Variants in GPSM2 observed in about 807,000 individuals in gnomAD.
GPSM2 encodes the protein G protein-signaling modulator 2.
Under a neutral mutation model 78.4 loss-of-function variants are expected in GPSM2, and 58 were observed. That is an observed-to-expected ratio of 0.74 (90% CI 0.60 to 0.92). The LOEUF is 0.92. Among genes scored for constraint, GPSM2 ranks in the 40% least tolerant of loss-of-function variants. The probability of loss-of-function intolerance (pLI) is 0.00; values close to 1 mark genes in which losing one functional copy is unlikely to be tolerated. For missense variants in GPSM2, 700 were observed against 815.5 expected, an observed-to-expected ratio of 0.86 and a Z score of 1.73; for synonymous variants, 224 against 280.2, an observed-to-expected ratio of 0.80 and a Z score of 2.00.
intron 7 of GPSM2, among the ~76,000 whole-genome samples, chr1:108,900,884 T>C (rs139330346): frequency 6.6e-6 from 1 of 152,184 alleles, no homozygotes; most frequent in African/African-American, 2.4e-5. Context: ...TACCGCATAG[T>C]AATTTGTCAT....
intron 10 of GPSM2, among the ~76,000 whole-genome samples, 161 bp downstream of exon 10, chr1:108,904,415 C>T (rs1304525374): frequency 2.0e-5 from 3 of 148,250 alleles, no homozygotes; most frequent in South Asian, 4.2e-4. Context: ...ATATATATTA[C>T]AATTATATAT....
chr1:108,931,169 AAAAAC>A lies in GPSM2; in HGVS notation c.*1235_*1239del, dbSNP rs1287859748. 16 of 787,888 alleles carry A rather than the reference AAAAAC, an allele frequency of 2.0e-5. No individual in the cohort carries two copies. The highest frequency in any genetic ancestry group is 1.1e-4 in the African/African-American group (6 of 56,392). 48.8% of individuals were successfully genotyped at this position (787,888 alleles called of 1,614,324 possible). ...TTTTCTAAGTTCTAATATAAAAACA[AAAAAC>A]AAAACCCATGTGGTTAGGTCAAGAA... On this transcript the variant is annotated 3_prime_UTR_variant, in exon 15 of 15. Transcript: ENST00000264126.
At chr1:108,914,907 AT>A (rs953161983) in intron 11 of GPSM2, among the ~76,000 whole-genome samples, 7 of 151,482 alleles carry the variant, frequency 4.6e-5, no homozygotes, top group Admixed American at 1.3e-4. Flanking sequence ...CTTGAAAAGC[AT>A]TTTTTTTTAA....
At chr1:108,894,703 A>C (rs1356937783) in intron 2 of GPSM2, among the ~76,000 whole-genome samples, 3 of 152,186 alleles carry the variant, frequency 2.0e-5, no homozygotes, top group African/African-American at 7.2e-5. Context: ...GTCTCAAAAA[A>C]AAAGTGAAGA....
intron 10 of GPSM2, among the ~76,000 whole-genome samples, chr1:108,910,892 C>T (rs765991175): frequency 6.6e-6 from 1 of 151,504 alleles, no homozygotes; most frequent in Admixed American, 6.6e-5. Flanking sequence ...GTGGATTCAA[C>T]ATTAGAAAAT....
At chr1:108,912,165 G>T (rs998892076) in intron 10 of GPSM2, among the ~76,000 whole-genome samples, 9 of 152,036 alleles carry the variant, frequency 5.9e-5, no homozygotes, top group African/African-American at 2.2e-4. Flanking sequence ...TAAGTGCACT[G>T]CCAAACACAT....
chr1:108,921,353 G>A (rs552634292), intron 12 of GPSM2, among the ~76,000 whole-genome samples: 2 of 151,792 alleles, frequency 1.3e-5, no homozygotes, highest in East Asian at 3.9e-4. Flanking sequence ...CTGGGAGGCA[G>A]AGGTTGCAGT....
chr1:108,903,357 C>A (rs1364655484), intron 9 of GPSM2, 123 bp downstream of exon 9: 4 of 658,952 alleles, frequency 6.1e-6, no homozygotes, highest in Non-Finnish European at 8.2e-6. Flanking sequence ...ATATATCATT[C>A]TCTTGGCATA....
chr1:108,894,459 A>C (rs1648205607), intron 2 of GPSM2, among the ~76,000 whole-genome samples: 1 of 152,212 alleles, frequency 6.6e-6, no homozygotes, highest in African/African-American at 2.4e-5. Context: ...GCACTTTGGG[A>C]GGCCAAGATG....
At chr1:108,909,630 C>G (rs1424976927) in intron 10 of GPSM2, 1 of 151,952 alleles carries the variant, frequency 6.6e-6, no homozygotes, top group African/African-American at 2.4e-5. Flanking sequence ...GCTGGCCAGG[C>G]GCGGTGGCTC....
intron 1 of GPSM2, among the ~76,000 whole-genome samples, chr1:108,879,678 C>A (rs559180188): frequency 9.9e-5 from 15 of 152,238 alleles, no homozygotes; most frequent in Non-Finnish European, 2.1e-4. Context: ...ACTAAAAATA[C>A]AATAGTTAGC....
rs1295310615 is a variant in GPSM2 at position 108,934,503 on chromosome 1, TTAATTC to T, written c.*4569_*4574del. On this transcript the variant is annotated 3_prime_UTR_variant, in exon 15 of 15. Coordinates refer to ENST00000264126, the MANE Select transcript of GPSM2 (RefSeq NM_013296.5). The stretch of plus-strand genomic sequence containing the variant: ...AGCTTTTACATATATAACGTGTTTG[TTAATTC>T]TAATTGTCAGTAAAAATGTGAATGT... 7 of 721,554 alleles carry T rather than the reference TTAATTC, an allele frequency of 9.7e-6. No homozygotes were observed. Among genetic ancestry groups the T allele is most frequent in the Admixed American group, 5.9e-5 (2 of 33,786 alleles). 44.7% of individuals were successfully genotyped at this position (721,554 alleles called of 1,614,324 possible).
chr1:108,910,679 G>A (rs918240382), intron 10 of GPSM2, among the ~76,000 whole-genome samples: 69 of 151,994 alleles, frequency 4.5e-4, no homozygotes, highest in African/African-American at 1.4e-3. Flanking sequence ...CCTGACCAAC[G>A]TGGTGAAACC....
At chr1:108,913,610 AATAC>A (rs1411918529) in intron 10 of GPSM2, among the ~76,000 whole-genome samples, 2 of 152,250 alleles carry the variant, frequency 1.3e-5, no homozygotes, top group Non-Finnish European at 2.9e-5. Context: ...ATTGCTAAGA[AATAC>A]ATACATTTGT....
intron 10 of GPSM2, among the ~76,000 whole-genome samples, chr1:108,908,175 TC>T (rs1649396396): frequency 6.6e-6 from 1 of 151,706 alleles, no homozygotes; most frequent in South Asian, 2.1e-4. Flanking sequence ...ATCGAGACCA[TC>T]CTGGCTAACG....
At chr1:108,901,036 A>C (rs960255113) in intron 7 of GPSM2, among the ~76,000 whole-genome samples, 1 of 152,226 alleles carries the variant, frequency 6.6e-6, no homozygotes, top group Non-Finnish European at 1.5e-5. Context: ...ACTATGCACA[A>C]GATGCTATTC....
At chr1:108,921,253 G>T (rs1650688149) in intron 12 of GPSM2, among the ~76,000 whole-genome samples, 1 of 151,940 alleles carries the variant, frequency 6.6e-6, no homozygotes, top group African/African-American at 2.4e-5. Flanking sequence ...AACCCTGACT[G>T]TATAAAAAAT....
At chr1:108,914,493 A>C in intron 11 of GPSM2, 85 bp downstream of exon 11, 1 of 1,015,022 alleles carries the variant, frequency 9.9e-7, no homozygotes, top group African/African-American at 1.6e-5. Context: ...TAATTTAAAT[A>C]AGGCTTGCCC....
Position 108,931,642 on chromosome 1 carries a change from A to AAAAAGTT in GPSM2, c.*1703_*1704insAAAGTTA. 9.4e-7 allele frequency: 1 copy of AAAAAGTT among 1,064,302 alleles called. No individual in the cohort carries two copies. The highest frequency in any genetic ancestry group is 1.3e-6 in the Non-Finnish European group (1 of 778,536). The allele number at this position is 1,064,302 out of a possible 1,614,324, so 65.9% of individuals were successfully genotyped here. A position where few individuals can be genotyped will look rare whatever the true frequency, so the allele number is the denominator to read the frequency against. ...AAGTGCTCAGCTAAAAAAAAAAAAA[A>AAAAAGTT]AGTTCTAAATTACAACCTGGATTAC... On this transcript the variant is annotated 3_prime_UTR_variant, in exon 15 of 15. Coordinates refer to ENST00000264126, the MANE Select transcript of GPSM2 (RefSeq NM_013296.5).
Sources: allele counts gnomAD v4.1 joint callset (sites outside exome capture counted in the v4.1 genomes callset), GRCh38; gene constraint gnomAD v4.1.1; transcripts MANE v1.5; gene names NCBI Gene and HGNC (gene_info 2026-07-23, HGNC 2026-07-21).